The following SHISA9 variants were observed in gnomAD, a reference collection of about 807,000 sequenced individuals.
The protein encoded by SHISA9 is protein shisa-9.
A neutral mutation model predicts 38.0 loss-of-function variants in SHISA9; 13 were observed. That is an observed-to-expected ratio of 0.34 (90% CI 0.22 to 0.54). SHISA9 has a LOEUF of 0.54. SHISA9 is among the 20% of genes least tolerant of loss of function. The pLI, the probability that SHISA9 is intolerant of heterozygous loss-of-function variation, is 0.91. For synonymous variants in SHISA9, 275 were observed against 242.0 expected (o/e 1.14, Z -1.27); for missense variants, 538 against 575.8 (o/e 0.93, Z 0.67).
At chr16:13,070,153 TGC>T (rs2073495454) in intron 2 of SHISA9, among the ~76,000 whole-genome samples, 1 of 141,082 alleles carries the variant, frequency 7.1e-6, no homozygotes, top group Non-Finnish European at 1.5e-5. Context: ...TGTGTGTGTG[TGC>T]ACGCATGTGT....
chr16:13,232,983 A>G (rs1441758030), intron 4 of SHISA9, among the ~76,000 whole-genome samples: 1 of 152,180 alleles, frequency 6.6e-6, no homozygotes, highest in Non-Finnish European at 1.5e-5. Flanking sequence ...TTATTTACAC[A>G]TGTAGGTTTT....
chr16:12,980,794 C>T lies in SHISA9; in HGVS notation c.691+63979C>T, dbSNP rs182618151. Among the ~76,000 whole-genome samples, 443 of 151,862 alleles carry T rather than the reference C, an allele frequency of 2.9e-3. 1 individual carries two copies. Among genetic ancestry groups the T allele is most frequent in the African/African-American group, 0.01 (431 of 41,436 alleles). On this transcript the variant is annotated intron_variant, in intron 2 of 4. Transcript: ENST00000558583. ...TGGAAGACTTCCTGAATCTTGTCTT[C>T]CAGTTGATTAATTCATTCTTTAGCT...
the SHISA9 span, among the ~76,000 whole-genome samples, chr16:13,369,307 C>G: frequency 6.6e-6 from 1 of 152,060 alleles, no homozygotes; most frequent in African/African-American, 2.4e-5. Flanking sequence ...ATTAGGAACA[C>G]TACAAAGGAA....
chr16:13,513,164 A>G, the SHISA9 span, among the ~76,000 whole-genome samples: 14 of 152,236 alleles, frequency 9.2e-5, no homozygotes, highest in African/African-American at 3.1e-4. Context: ...ATTTACAAGA[A>G]ATAACCAAAC....
At chr16:13,437,457 C>T in the SHISA9 span, among the ~76,000 whole-genome samples, 4 of 152,266 alleles carry the variant, frequency 2.6e-5, no homozygotes, top group South Asian at 2.1e-4. Context: ...TCCAATTTTA[C>T]GGATGAAAAA....
At chr16:13,079,176 A>G (rs151152136) in intron 2 of SHISA9, among the ~76,000 whole-genome samples, 195 of 152,362 alleles carry the variant, frequency 1.3e-3, no homozygotes, top group Middle Eastern at 0.01. Flanking sequence ...AGAAGACACA[A>G]TCAATGCCAT....
At chr16:13,244,780 G>A (rs1201790237), downstream of SHISA9, among the ~76,000 whole-genome samples, 2 of 152,154 alleles carry the variant, frequency 1.3e-5, no homozygotes, top group African/African-American at 4.8e-5. Context: ...ATAACATGAG[G>A]TTTCAAAGTA....
intron 1 of SHISA9, among the ~76,000 whole-genome samples, chr16:12,912,501 G>A (rs1392881378): frequency 1.3e-5 from 2 of 152,136 alleles, no homozygotes; most frequent in East Asian, 1.9e-4. Context: ...CTTCTTGCTC[G>A]AGAAACATGC....
At chr16:13,012,125 C>T (rs567380835) in intron 2 of SHISA9, among the ~76,000 whole-genome samples, 72 of 152,140 alleles carry the variant, frequency 4.7e-4, no homozygotes, top group African/African-American at 1.6e-3. Flanking sequence ...TGTGCCCAGC[C>T]CTTTTTTTTT....
At chr16:12,916,007 G>A (rs1220895581) in intron 1 of SHISA9, among the ~76,000 whole-genome samples, 1 of 124,736 alleles carries the variant, frequency 8.0e-6, no homozygotes, top group Admixed American at 8.7e-5. Flanking sequence ...GTGTGTGTGT[G>A]TGTGTTTTTT....
intron 2 of SHISA9, among the ~76,000 whole-genome samples, chr16:13,100,924 G>T (rs2073872751): frequency 6.6e-6 from 1 of 152,100 alleles, no homozygotes; most frequent in South Asian, 2.1e-4. Flanking sequence ...TCAAACTCCT[G>T]ACCTCAGGTG....
At chr16:13,270,090 G>T in the SHISA9 span, among the ~76,000 whole-genome samples, 1 of 152,158 alleles carries the variant, frequency 6.6e-6, no homozygotes, top group Non-Finnish European at 1.5e-5. Context: ...TCTGATAAGG[G>T]CTTACATGGA....
intron 2 of SHISA9, among the ~76,000 whole-genome samples, chr16:12,994,486 GT>G (rs1440148013): frequency 6.6e-6 from 1 of 152,174 alleles, no homozygotes; most frequent in African/African-American, 2.4e-5. Flanking sequence ...CTGGCTTCTT[GT>G]GTTCCTGTTA....
intron 4 of SHISA9, among the ~76,000 whole-genome samples, chr16:13,230,784 G>A (rs2051324471): frequency 6.6e-6 from 1 of 152,138 alleles, no homozygotes; most frequent in Admixed American, 6.5e-5. Context: ...TCATTTTTAT[G>A]GTTATTTCTT....
intron 2 of SHISA9, among the ~76,000 whole-genome samples, chr16:13,168,892 C>T (rs1841727656): frequency 6.6e-6 from 1 of 152,250 alleles, no homozygotes; most frequent in African/African-American, 2.4e-5. Flanking sequence ...ACAGAGCCGA[C>T]ATGAGAACTG....
At chr16:13,550,151 G>A in the SHISA9 span, among the ~76,000 whole-genome samples, 1 of 152,140 alleles carries the variant, frequency 6.6e-6, no homozygotes, top group Non-Finnish European at 1.5e-5. Flanking sequence ...CGAGGCAGGA[G>A]AGAGGTTGGA....
At chr16:13,434,080 C>T in the SHISA9 span, among the ~76,000 whole-genome samples, 13 of 152,322 alleles carry the variant, frequency 8.5e-5, no homozygotes, top group African/African-American at 3.1e-4. Flanking sequence ...AGCCTTCAGT[C>T]TGTGGTCTAA....
At chr16:12,918,486 G>A (rs1469872405) in intron 2 of SHISA9, among the ~76,000 whole-genome samples, 1 of 152,188 alleles carries the variant, frequency 6.6e-6, no homozygotes, top group Non-Finnish European at 1.5e-5. Context: ...CAAACTCATT[G>A]AAGTCACCTA....
chr16:13,361,545 C>A, the SHISA9 span, among the ~76,000 whole-genome samples: 1 of 152,160 alleles, frequency 6.6e-6, no homozygotes, highest in Non-Finnish European at 1.5e-5. Context: ...CTATTTTTAT[C>A]CCCATTTGTA....
Sources: gnomAD v4.1 joint callset for allele counts (sites outside exome capture counted in the v4.1 genomes callset) on GRCh38, gnomAD v4.1.1 for gene constraint, MANE v1.5 for transcripts, NCBI Gene and HGNC (gene_info 2026-07-23, HGNC 2026-07-21) for gene names.